CDH2: variants seen among roughly 807,000 people sequenced by gnomAD.
The protein encoded by CDH2 is cadherin-2.
A neutral mutation model predicts 92.0 loss-of-function variants in CDH2; 17 were observed. The observed-to-expected ratio is 0.18, with a 90% CI of 0.13 to 0.28. The LOEUF (loss-of-function observed/expected upper bound fraction) is 0.28, where lower values mean the gene tolerates loss of function less well. CDH2 is among the 10% of genes least tolerant of loss of function. The pLI, the probability that CDH2 is intolerant of heterozygous loss-of-function variation, is 1.00. For synonymous variants in CDH2, 419 were observed against 415.9 expected (o/e 1.01, Z -0.09); for missense variants, 862 against 1,133.1 (o/e 0.76, Z 3.44).
At chr18:28,131,021 C>T (rs1415892125) in intron 2 of CDH2, among the ~76,000 whole-genome samples, 11 of 152,124 alleles carry the variant, frequency 7.2e-5, no homozygotes, top group Admixed American at 5.9e-4. Context: ...ACCATTTCCT[C>T]GGCTAACCAG....
At chr18:27,986,063 T>C (rs570177218) in intron 11 of CDH2, among the ~76,000 whole-genome samples, 1 of 152,242 alleles carries the variant, frequency 6.6e-6, no homozygotes, top group Admixed American at 6.5e-5. Flanking sequence ...AGGGCTTGCG[T>C]AGACCATGCT....
intron 10 of CDH2, 28 bp from the exon 11 acceptor site, chr18:27,988,694 C>T (rs748504539): frequency 2.0e-6 from 3 of 1,525,532 alleles, no homozygotes; most frequent in African/African-American, 1.4e-5. Flanking sequence ...AGTTTAATTT[C>T]TTTTTATGAA....
intron 2 of CDH2, among the ~76,000 whole-genome samples, chr18:28,111,250 C>T (rs1052364428): frequency 2.6e-5 from 4 of 152,204 alleles, no homozygotes; most frequent in African/African-American, 9.6e-5. Flanking sequence ...TCTCCTCTGT[C>T]CCGGAGCCCA....
intron 9 of CDH2, among the ~76,000 whole-genome samples, chr18:27,991,657 G>T (rs939148176): frequency 3.9e-5 from 6 of 152,092 alleles, no homozygotes; most frequent in African/African-American, 1.4e-4. Context: ...TAAATAGTTG[G>T]CCATGATCAC....
rs997451359 is a variant in CDH2, at chr18:27,973,587, C to T, written c.2349+9357G>A. Among the ~76,000 whole-genome samples the T allele has an allele frequency of 2.6e-5, 4 of 152,214 alleles. No homozygotes were observed. The South Asian group carries it at 8.3e-4, about 32-fold the overall frequency. Reference sequence around the variant, plus strand: ...TATGACATACCTGGATTGGTCAGAACAGTGCAACCCATTGTGGGTGAGGTA... The same window carrying T: ...TATGACATACCTGGATTGGTCAGAATAGTGCAACCCATTGTGGGTGAGGTA... On this transcript the variant is annotated intron_variant, in intron 14 of 15. Coordinates refer to ENST00000269141, the MANE Select transcript of CDH2 (RefSeq NM_001792.5).
chr18:27,984,646 G>A (rs1471098570), intron 13 of CDH2, among the ~76,000 whole-genome samples: 2 of 152,126 alleles, frequency 1.3e-5, no homozygotes, highest in Admixed American at 6.6e-5. Context: ...CATCAACTAC[G>A]TGCCATAAAT....
chr18:28,015,609 G>T lies in CDH2; in HGVS notation c.173-1700C>A, dbSNP rs560885025. Among the ~76,000 whole-genome samples, 5 of 152,182 alleles carry T rather than the reference G, an allele frequency of 3.3e-5. No individual in the cohort carries two copies. The South Asian group carries it at 8.3e-4, about 25-fold the overall frequency. On this transcript the variant is annotated intron_variant, in intron 2 of 15. Transcript: ENST00000269141. ...AAGTACTTTTTTATATTACAAGAGGGATTCATGGTCCTTAAAAACATAATC... is the reference window on the plus strand; with the variant it reads ...AAGTACTTTTTTATATTACAAGAGGTATTCATGGTCCTTAAAAACATAATC...
intron 1 of CDH2, among the ~76,000 whole-genome samples, chr18:28,160,412 C>A (rs2016289835): frequency 6.6e-6 from 1 of 152,062 alleles, no homozygotes; most frequent in South Asian, 2.1e-4. Flanking sequence ...ACATCTACTG[C>A]CTAAAGACTA....
chr18:27,940,441 C>A (rs1909109215), intron 6 of CDH2, among the ~76,000 whole-genome samples: 1 of 152,172 alleles, frequency 6.6e-6, no homozygotes. Flanking sequence ...CCAATAAGCT[C>A]AACCATTATC....
chr18:28,147,211 T>C (rs1443307152), intron 2 of CDH2, among the ~76,000 whole-genome samples: 1 of 152,066 alleles, frequency 6.6e-6, no homozygotes, highest in Non-Finnish European at 1.5e-5. Context: ...ACTTTACATG[T>C]TAAATTCATT....
chr18:27,971,149 T>C (rs913887993), intron 14 of CDH2, among the ~76,000 whole-genome samples: 5 of 152,030 alleles, frequency 3.3e-5, no homozygotes, highest in African/African-American at 1.2e-4. Flanking sequence ...GGCAGGAGAA[T>C]TGCTTGAACC....
intron 2 of CDH2, among the ~76,000 whole-genome samples, chr18:28,016,761 T>C (rs554559641): frequency 2.4e-4 from 37 of 152,178 alleles, no homozygotes; most frequent in African/African-American, 8.7e-4. Context: ...ACAATAAAAT[T>C]AACAAAAAGA....
intron 1 of CDH2, among the ~76,000 whole-genome samples, chr18:28,164,274 C>T (rs1382371515): frequency 6.6e-6 from 1 of 152,128 alleles, no homozygotes; most frequent in African/African-American, 2.4e-5. Flanking sequence ...AACAAAATAA[C>T]CTTGTGCAGC....
intron 2 of CDH2, among the ~76,000 whole-genome samples, chr18:28,026,168 T>C (rs1264156287): frequency 6.6e-6 from 1 of 152,194 alleles, no homozygotes; most frequent in African/African-American, 2.4e-5. Context: ...TTGTGCCATG[T>C]AGCATTTCAA....
Position 28,147,714 on chromosome 18 carries a change from A to G in CDH2, c.131T>C (p.Val44Ala), listed in dbSNP as rs774927665. 18 of 1,612,928 alleles carry G rather than the reference A, an allele frequency of 1.1e-5. No homozygotes were observed. Among genetic ancestry groups the G allele is most frequent in the East Asian group, 6.7e-5 (3 of 44,864 alleles). The part of the protein sequence containing the change: ...TGFPEDVYSA[V>A]LSKDVHEGQP... ...TCCTTCATGCACATCCTTCGATAAGACTGCACTGTAAACATCTTCAGGAAA... is the reference window on the plus strand; with the variant it reads ...TCCTTCATGCACATCCTTCGATAAGGCTGCACTGTAAACATCTTCAGGAAA... Residue 44 changes from valine to alanine, a missense_variant, in exon 2 of 16, where the codon GTC becomes GCC. Physicochemically the swap from Val to Ala is moderately conservative, Grantham distance 64. Transcript: ENST00000269141.
At chr18:28,089,672 G>A (rs547243494) in intron 2 of CDH2, among the ~76,000 whole-genome samples, 1 of 152,214 alleles carries the variant, frequency 6.6e-6, no homozygotes, top group South Asian at 2.1e-4. Context: ...TCTAATTTAT[G>A]CATTTCCTAA....
chr18:28,033,590 T>C (rs995511280), intron 2 of CDH2, among the ~76,000 whole-genome samples: 10 of 152,082 alleles, frequency 6.6e-5, no homozygotes, highest in Non-Finnish European at 1.2e-4. Context: ...GGCTTAGAAT[T>C]TCCCCATTTT....
chr18:28,096,370 T>G (rs542987902), intron 2 of CDH2, among the ~76,000 whole-genome samples: 1 of 151,554 alleles, frequency 6.6e-6, no homozygotes, highest in African/African-American at 2.4e-5. Context: ...TAAAGCAACC[T>G]TGAGATGCCA....
chr18:28,061,759 T>C (rs939604251), intron 2 of CDH2, among the ~76,000 whole-genome samples: 2 of 152,212 alleles, frequency 1.3e-5, no homozygotes, highest in African/African-American at 2.4e-5. Context: ...CTCACAATCA[T>C]GGCAGAAGGC....
Sources: gnomAD v4.1 joint callset for allele counts (sites outside exome capture counted in the v4.1 genomes callset) on GRCh38, gnomAD v4.1.1 for gene constraint, MANE v1.5 for transcripts, NCBI Gene and HGNC (gene_info 2026-07-23, HGNC 2026-07-21) for gene names.